CPA6: variants seen among roughly 807,000 people sequenced by gnomAD.
The protein encoded by CPA6 is carboxypeptidase A6, also known as carboxypeptidase B.
CPA6 carries 58 observed loss-of-function variants against 63.3 expected under a neutral mutation model. The observed-to-expected ratio is 0.92, with a 90% CI of 0.74 to 1.14. The LOEUF is 1.14. Ranked by LOEUF, CPA6 falls within the 50% of genes most tolerant of loss-of-function variation. The pLI, the probability that CPA6 is intolerant of heterozygous loss-of-function variation, is 0.00. For missense variants in CPA6, 565 were observed against 526.6 expected, an observed-to-expected ratio of 1.07 and a Z score of -0.71; for synonymous variants, 185 against 179.0, an observed-to-expected ratio of 1.03 and a Z score of -0.27.
chr8:67,502,283 C>T (rs1847292), intron 6 of CPA6, among the ~76,000 whole-genome samples: 10,089 of 152,066 alleles, frequency 0.066, 772 homozygotes, highest in African/African-American at 0.19. Context: ...CACAGGGAGA[C>T]GCTGCCTCTA....
intron 7 of CPA6, 135 bp downstream of exon 7, chr8:67,484,544 T>G (rs1206349281): frequency 5.6e-6 from 3 of 534,416 alleles, no homozygotes; most frequent in Admixed American, 3.5e-5. Context: ...GGGGAAAGAG[T>G]GAAGGCCTCT....
intron 4 of CPA6, among the ~76,000 whole-genome samples, chr8:67,510,993 C>T (rs938989250): frequency 6.6e-6 from 1 of 152,088 alleles, no homozygotes; most frequent in South Asian, 2.1e-4. Flanking sequence ...TTTGCTTAAG[C>T]TGAGATTTGC....
chr8:67,618,562 G>T (rs1476282816), intron 2 of CPA6, among the ~76,000 whole-genome samples: 1 of 152,118 alleles, frequency 6.6e-6, no homozygotes, highest in Non-Finnish European at 1.5e-5. Flanking sequence ...GTGATTTTAT[G>T]ACTTTTGACA....
chr8:67,433,679 A>G (rs1373424815), intron 9 of CPA6, among the ~76,000 whole-genome samples: 1 of 152,210 alleles, frequency 6.6e-6, no homozygotes, highest in African/African-American at 2.4e-5. Context: ...TTTCTGTGTA[A>G]CCTGTGGTAA....
intron 3 of CPA6, among the ~76,000 whole-genome samples, chr8:67,515,896 G>A (rs1210849542): frequency 1.3e-5 from 2 of 152,060 alleles, no homozygotes; most frequent in Non-Finnish European, 1.5e-5. Flanking sequence ...CTTCTCATTT[G>A]TTTTCCTCAG....
intron 2 of CPA6, among the ~76,000 whole-genome samples, chr8:67,564,106 C>A (rs1248826965): frequency 1.3e-5 from 2 of 152,172 alleles, no homozygotes; most frequent in Non-Finnish European, 2.9e-5. Flanking sequence ...AGGGCACCTG[C>A]CACATGATAG....
chr8:67,632,893 G>C (rs533618193), intron 1 of CPA6, among the ~76,000 whole-genome samples: 1 of 152,216 alleles, frequency 6.6e-6, no homozygotes, highest in Admixed American at 6.5e-5. Context: ...TATTTGAAAA[G>C]AATATCTTTC....
chr8:67,645,690 G>A (rs10957394), intron 1 of CPA6, among the ~76,000 whole-genome samples: 61,646 of 152,056 alleles, frequency 0.41, 13,417 homozygotes, highest in African/African-American at 0.58. Context: ...TTTAAAGCAC[G>A]TAATACCTTT....
intron 8 of CPA6, among the ~76,000 whole-genome samples, chr8:67,463,209 C>T (rs180767376): frequency 2.0e-5 from 3 of 151,964 alleles, no homozygotes; most frequent in South Asian, 2.1e-4. Flanking sequence ...TTTGGGAGGT[C>T]GAGGCGGGCG....
intron 2 of CPA6, among the ~76,000 whole-genome samples, chr8:67,536,741 GGATT>G (rs1262056292): frequency 6.6e-6 from 1 of 152,100 alleles, no homozygotes; most frequent in Admixed American, 6.5e-5. Flanking sequence ...ATGTTGAATA[GGATT>G]GATGAGAGGG....
At chr8:67,461,985 A>G (rs1237934247) in intron 8 of CPA6, among the ~76,000 whole-genome samples, 1 of 151,856 alleles carries the variant, frequency 6.6e-6, no homozygotes, top group African/African-American at 2.4e-5. Context: ...TAGAGGCTTT[A>G]GTTAAAATTT....
chr8:67,431,908 A>G (rs558680350), intron 9 of CPA6, among the ~76,000 whole-genome samples: 52 of 152,316 alleles, frequency 3.4e-4, no homozygotes, highest in African/African-American at 1.2e-3. Context: ...TAAAGCCCCA[A>G]GCAATTGGTG....
intron 1 of CPA6, among the ~76,000 whole-genome samples, chr8:67,654,448 A>G (rs1815933241): frequency 6.6e-6 from 1 of 152,148 alleles, no homozygotes; most frequent in Non-Finnish European, 1.5e-5. Flanking sequence ...TCAGAGATTC[A>G]ACTTCTTCCT....
intron 1 of CPA6, among the ~76,000 whole-genome samples, chr8:67,654,584 G>T (rs565269965): frequency 6.6e-6 from 1 of 152,104 alleles, no homozygotes; most frequent in Non-Finnish European, 1.5e-5. Flanking sequence ...GGGATCGGTG[G>T]TGATATCCCC....
At chr8:67,439,130 AC>A (rs1341139399) in intron 8 of CPA6, among the ~76,000 whole-genome samples, 1 of 152,120 alleles carries the variant, frequency 6.6e-6, no homozygotes, top group Non-Finnish European at 1.5e-5. Flanking sequence ...TCCCATCTCT[AC>A]AAAAATTTAA....
intron 8 of CPA6, among the ~76,000 whole-genome samples, chr8:67,470,896 A>C (rs1323757659): frequency 1.3e-5 from 2 of 152,228 alleles, no homozygotes; most frequent in South Asian, 4.1e-4. Flanking sequence ...AGGTATAATT[A>C]GAATCTAAAT....
chr8:67,622,747 C>T (rs1308113923), intron 2 of CPA6, among the ~76,000 whole-genome samples: 1 of 152,200 alleles, frequency 6.6e-6, no homozygotes, highest in African/African-American at 2.4e-5. Context: ...TTCCCTAACA[C>T]TCCTTCAGGT....
chr8:67,576,468 G>A (rs1813628841), intron 2 of CPA6, among the ~76,000 whole-genome samples: 1 of 152,156 alleles, frequency 6.6e-6, no homozygotes, highest in African/African-American at 2.4e-5. Context: ...ACTGCTTGTA[G>A]AAGTGCTATA....
At chr8:67,588,428 T>G (rs1814007835) in intron 2 of CPA6, among the ~76,000 whole-genome samples, 2 of 152,046 alleles carry the variant, frequency 1.3e-5, no homozygotes, top group Admixed American at 1.3e-4. Flanking sequence ...GGGTTTTATG[T>G]TTTTGCATTT....
Sources: allele counts gnomAD v4.1 joint callset (sites outside exome capture counted in the v4.1 genomes callset), GRCh38; gene constraint gnomAD v4.1.1; transcripts MANE v1.5; gene names NCBI Gene and HGNC (gene_info 2026-07-23, HGNC 2026-07-21).